The following DSCAM variants were observed in gnomAD, a reference collection of about 807,000 sequenced individuals.
The protein encoded by DSCAM is DS cell adhesion molecule.
DSCAM carries 47 observed loss-of-function variants against 217.7 expected under a neutral mutation model. The ratio of observed to expected loss-of-function variants is 0.22; its 90% CI spans 0.17 to 0.28. DSCAM has a LOEUF of 0.28. Ranked by LOEUF, DSCAM falls within the 10% of genes least tolerant of loss-of-function variation. DSCAM has a pLI of 1.00. For missense variants in DSCAM, 2,080 were observed against 2,618.3 expected (o/e 0.79, Z 4.49); for synonymous variants, 1,056 against 1,015.3 (o/e 1.04, Z -0.76).
chr21:40,837,110 T>G (rs1310045649), intron 1 of DSCAM, among the ~76,000 whole-genome samples: 1 of 152,242 alleles, frequency 6.6e-6, no homozygotes, highest in East Asian at 1.9e-4. Flanking sequence ...GTCAACAGAC[T>G]GTGGTCTACC....
intron 3 of DSCAM, among the ~76,000 whole-genome samples, chr21:40,372,700 T>G: frequency 6.6e-6 from 1 of 152,336 alleles, no homozygotes; most frequent in East Asian, 1.9e-4. Flanking sequence ...ATATGTTACT[T>G]CCCTTTGTTA....
chr21:40,817,946 A>T (rs2091894534), intron 1 of DSCAM, among the ~76,000 whole-genome samples: 1 of 149,224 alleles, frequency 6.7e-6, no homozygotes, highest in African/African-American at 2.5e-5. Context: ...AATACAAAAA[A>T]TTAGCCGGGC....
At chr21:40,639,909 GA>G (rs941796889) in intron 3 of DSCAM, among the ~76,000 whole-genome samples, 1 of 151,930 alleles carries the variant, frequency 6.6e-6, no homozygotes, top group Non-Finnish European at 1.5e-5. Context: ...AATGGGAGGA[GA>G]AAAAAACCCA....
At chr21:40,685,609 CCTG>C (rs1432715953) in intron 3 of DSCAM, among the ~76,000 whole-genome samples, 1 of 152,186 alleles carries the variant, frequency 6.6e-6, no homozygotes, top group Non-Finnish European at 1.5e-5. Flanking sequence ...AGAGCTGGGG[CCTG>C]CTTTCCTCTG....
At chr21:40,275,931 C>G (rs376273104) in intron 11 of DSCAM, among the ~76,000 whole-genome samples, 166 bp downstream of exon 11, 2 of 152,198 alleles carry the variant, frequency 1.3e-5, no homozygotes, top group African/African-American at 2.4e-5. Context: ...CCATCCTCTT[C>G]AATCATGTTT....
At chr21:40,493,471 G>C (rs1217626562) in intron 3 of DSCAM, among the ~76,000 whole-genome samples, 1 of 152,102 alleles carries the variant, frequency 6.6e-6, no homozygotes, top group African/African-American at 2.4e-5. Flanking sequence ...TATATCTTTA[G>C]TATGAAGGTT....
At chr21:40,502,436 T>A (rs2076176958) in intron 3 of DSCAM, among the ~76,000 whole-genome samples, 1 of 152,202 alleles carries the variant, frequency 6.6e-6, no homozygotes, top group Admixed American at 6.5e-5. Context: ...TTATCTATAG[T>A]TCTGTAGGCC....
At chr21:40,290,846 T>C (rs1182687270) in intron 10 of DSCAM, among the ~76,000 whole-genome samples, 1 of 152,152 alleles carries the variant, frequency 6.6e-6, no homozygotes, top group Non-Finnish European at 1.5e-5. Context: ...AAATAACTCA[T>C]ACTGAGCACA....
intron 3 of DSCAM, among the ~76,000 whole-genome samples, chr21:40,689,470 C>T (rs1601851867): frequency 6.6e-6 from 1 of 152,228 alleles, no homozygotes; most frequent in Non-Finnish European, 1.5e-5. Context: ...TGCTTTTGGG[C>T]CCTCTCTTGA....
chr21:40,011,882 A>T lies in DSCAM; in HGVS notation c.*1152T>A, dbSNP rs368901084. ...GCACGATCTTGCCCCTTGTCACGCA[A>T]GCTGGGGCTACATTTCAGACTCCAG... On this transcript the variant is annotated 3_prime_UTR_variant, in exon 33 of 33. Transcript: ENST00000400454. 1 of 152,126 alleles carries T rather than the reference A, an allele frequency of 6.6e-6. No homozygotes were observed. Among genetic ancestry groups the T allele is most frequent in the South Asian group, 2.1e-4 (1 of 4,810 alleles). The allele number at this position is 152,126 out of a possible 1,614,324, so 9.4% of individuals were successfully genotyped here. A position where few individuals can be genotyped will look rare whatever the true frequency, so the allele number is the denominator to read the frequency against.
intron 11 of DSCAM, among the ~76,000 whole-genome samples, chr21:40,240,030 C>G (rs1341624440): frequency 6.6e-6 from 1 of 152,140 alleles, no homozygotes; most frequent in Non-Finnish European, 1.5e-5. Context: ...CATGTGCACA[C>G]AAAACACCCA....
intron 1 of DSCAM, among the ~76,000 whole-genome samples, chr21:40,811,058 T>C (rs986187132): frequency 2.0e-5 from 3 of 152,134 alleles, no homozygotes; most frequent in Non-Finnish European, 4.4e-5. Flanking sequence ...TCAGTTAAAT[T>C]AATGGAGGCC....
chr21:40,075,298 G>T, intron 26 of DSCAM, 85 bp from the exon 27 acceptor site: 1 of 1,454,394 alleles, frequency 6.9e-7, no homozygotes, highest in Non-Finnish European at 9.5e-7. Context: ...TAAAAATCGC[G>T]CTGTGTGATC....
chr21:40,187,268 T>C lies in DSCAM; in HGVS notation c.2651-9A>G. ...GGGAGGGTCTGGGGGCTCTGTGCCA[T>C]CAACAGAAAGACTACGAGTTAGTTC... On this transcript the variant is annotated splice_polypyrimidine_tract_variant and intron_variant, in intron 13 of 32. Coordinates refer to ENST00000400454, the MANE Select transcript of DSCAM (RefSeq NM_001389.5). 6.2e-7 allele frequency: 1 copy of C among 1,613,668 alleles called. No homozygotes were observed. Among genetic ancestry groups the C allele is most frequent in the Non-Finnish European group, 8.5e-7 (1 of 1,179,758 alleles).
chr21:40,341,682 A>G (rs1042492491), intron 6 of DSCAM, among the ~76,000 whole-genome samples: 2 of 152,216 alleles, frequency 1.3e-5, no homozygotes, highest in African/African-American at 4.8e-5. Context: ...AAACATAATA[A>G]TAGAGTATGC....
At chr21:40,484,353 G>C (rs992540093) in intron 3 of DSCAM, among the ~76,000 whole-genome samples, 4 of 152,176 alleles carry the variant, frequency 2.6e-5, no homozygotes, top group Non-Finnish European at 2.9e-5. Context: ...TGCAGAGATA[G>C]AGGTTAACTG....
chr21:40,568,465 C>A (rs57883781), intron 3 of DSCAM, among the ~76,000 whole-genome samples: 4,080 of 152,166 alleles, frequency 0.027, 159 homozygotes, highest in African/African-American at 0.093. Context: ...TCCCACAGAC[C>A]ACTGCAGGCA....
At chr21:40,081,142 C>G (rs928279478) in intron 24 of DSCAM, among the ~76,000 whole-genome samples, 12 of 152,154 alleles carry the variant, frequency 7.9e-5, no homozygotes, top group African/African-American at 2.9e-4. Flanking sequence ...AGCCTGAAGC[C>G]CATGTTCTTC....
chr21:40,540,471 C>G (rs967239195), intron 3 of DSCAM, among the ~76,000 whole-genome samples: 2 of 152,178 alleles, frequency 1.3e-5, no homozygotes, highest in African/African-American at 4.8e-5. Flanking sequence ...CTGTGAATCT[C>G]TGGAGGATGA....
Sources: gnomAD v4.1 joint callset for allele counts (sites outside exome capture counted in the v4.1 genomes callset) on GRCh38, gnomAD v4.1.1 for gene constraint, MANE v1.5 for transcripts, NCBI Gene and HGNC (gene_info 2026-07-23, HGNC 2026-07-21) for gene names.